The following YTHDF1 variants were observed in gnomAD, a reference collection of about 807,000 sequenced individuals.
YTHDF1 encodes YTH N6-methyladenosine RNA binding protein F1.
YTHDF1 carries 16 observed loss-of-function variants against 49.1 expected under a neutral mutation model. The ratio of observed to expected loss-of-function variants is 0.33; its 90% CI spans 0.22 to 0.49. The LOEUF (loss-of-function observed/expected upper bound fraction) is 0.49, where lower values mean the gene tolerates loss of function less well. Among genes scored for constraint, YTHDF1 ranks in the 20% least tolerant of loss-of-function variants. The pLI, the probability that YTHDF1 is intolerant of heterozygous loss-of-function variation, is 0.99. For synonymous variants in YTHDF1, 313 were observed against 290.1 expected (o/e 1.08, Z -0.80); for missense variants, 621 against 744.3 (o/e 0.83, Z 1.93).
rs762159571 is a variant in YTHDF1 at position 63,202,803 on chromosome 20, C to A, written c.1137G>T (p.Pro379=). Residue 379 remains proline, a synonymous_variant, in exon 4 of 5, where the codon CCG becomes CCT. Transcript: ENST00000370339. ...TTTTCAGATTCCACTCAAACTCTTT[C>A]GGGTTGTAGCTGTGAGCAGCCTTCA... ...EKLKAAHSYN[P]KEFEWNLKSG... 1 of 1,614,068 alleles carries A rather than the reference C, an allele frequency of 6.2e-7. No individual in the cohort carries two copies. The highest frequency in any genetic ancestry group is 8.5e-7 in the Non-Finnish European group (1 of 1,180,048).
Position 63,202,838 on chromosome 20 carries a change from G to C in YTHDF1, c.1102C>G (p.Leu368Val). ...SAPSVESHPV[L>V]EKLKAAHSYN... is the part of the protein sequence containing the mutation. The stretch of plus-strand genomic sequence containing the variant: ...CTGTGAGCAGCCTTCAGTTTTTCAA[G>C]GACGGGGTGGGATTCGACGCTGGGG... Residue 368 changes from leucine to valine, a missense_variant, in exon 4 of 5, where the codon CTT becomes GTT. Physicochemically the swap from Leu to Val is conservative, Grantham distance 32. Around this residue, in one of 2 missense-constraint regions of YTHDF1, gnomAD observed 470 missense variants for 495.8 expected, o/e 0.95. Transcript: ENST00000370339. 6.2e-7 allele frequency: 1 copy of C among 1,613,938 alleles called. No individual in the cohort carries two copies. Among genetic ancestry groups the C allele is most frequent in the Non-Finnish European group, 8.5e-7 (1 of 1,180,054 alleles).
rs747707109 is a variant in YTHDF1, at chr20:63,215,593, T to C, written c.36A>G (p.Lys12=). 6.2e-7 allele frequency: 1 copy of C among 1,611,726 alleles called. No homozygotes were observed. Residue 12 remains lysine (K), a synonymous_variant, in exon 2 of 5, where the codon AAA becomes AAG. Coordinates refer to ENST00000370339, the MANE Select transcript of YTHDF1 (RefSeq NM_017798.4). ...TCCGCTCACCTTTATTATCTTGTCC[T>C]TTTGTTCTCTGCACCGCCGCAGGCC... ...SATSVDTQRT[K]GQDNKVQNGS...
chr20:63,200,287 G>A (rs1484918278), intron 4 of YTHDF1, among the ~76,000 whole-genome samples: 1 of 152,038 alleles, frequency 6.6e-6, no homozygotes, highest in African/African-American at 2.4e-5. Flanking sequence ...CCTGAACCTC[G>A]GAGGTTGAGG....
intron 4 of YTHDF1, 66 bp downstream of exon 4, chr20:63,202,221 C>A (rs939740144): frequency 1.9e-5 from 30 of 1,540,276 alleles, no homozygotes; most frequent in East Asian, 1.8e-4. Flanking sequence ...ACCACCGGGC[C>A]ACCTGGTCTA....
chr20:63,203,151 T>C lies in YTHDF1; in HGVS notation c.789A>G (p.Pro263=). The change falls in exon 4 of 5, where the codon CCA becomes CCG. Residue 263 remains proline, a synonymous_variant. Coordinates refer to ENST00000370339, the MANE Select transcript of YTHDF1 (RefSeq NM_017798.4). The surrounding 1 kb of genome is among the most constrained non-coding windows in gnomAD (Gnocchi z 4.4). ...CAATGTCCATGTTATGCTTTATGGG[T>C]GGAGGGGGCAGCCCACCCCCCATGA... The part of the protein sequence containing the change: ...GPVMGGGLPP[P]PIKHNMDIGT... 6.2e-7 allele frequency: 1 copy of C among 1,613,640 alleles called. No homozygotes were observed. Among genetic ancestry groups the C allele is most frequent in the Non-Finnish European group, 8.5e-7 (1 of 1,180,004 alleles).
At chr20:63,199,965 G>C (rs1259995620) in intron 4 of YTHDF1, among the ~76,000 whole-genome samples, 3 of 152,000 alleles carry the variant, frequency 2.0e-5, no homozygotes, top group Non-Finnish European at 4.4e-5. Context: ...GAGGCAGGAA[G>C]ACCGCTTGAG....
At chr20:63,199,518 T>TAAAAA (rs11386506) in intron 4 of YTHDF1, among the ~76,000 whole-genome samples, 2 of 138,438 alleles carry the variant, frequency 1.4e-5, no homozygotes, top group South Asian at 2.3e-4. Flanking sequence ...GATTCTGTCT[T>TAAAAA]AAAAAAAAAA....
Position 63,215,597 on chromosome 20 carries a change from G to A in YTHDF1, c.32C>T (p.Thr11Ile), listed in dbSNP as rs769394044. MSATSVDTQRTKGQDNKVQNG... is the reference protein window; with the variant it reads MSATSVDTQRIKGQDNKVQNG... ...CTCACCTTTATTATCTTGTCCTTTTGTTCTCTGCACCGCCGCAGGCCGGGA... is the reference window on the plus strand; with the variant it reads ...CTCACCTTTATTATCTTGTCCTTTTATTCTCTGCACCGCCGCAGGCCGGGA... Residue 11 changes from threonine (T) to isoleucine (I), a missense_variant, in exon 2 of 5, where the codon ACA becomes ATA. Physicochemically the swap from Thr to Ile is moderately conservative, Grantham distance 89. Transcript: ENST00000370339. 2 of 1,611,624 alleles carry A rather than the reference G, an allele frequency of 1.2e-6. No individual in the cohort carries two copies. Among genetic ancestry groups the A allele is most frequent in the Non-Finnish European group, 1.7e-6 (2 of 1,179,004 alleles).
rs1002312721 is a variant in YTHDF1 at position 63,195,499 on chromosome 20, C to T, written c.*1209G>A. 6.5e-6 allele frequency: 1 copy of T among 152,674 alleles called. No homozygotes were observed. Among genetic ancestry groups the T allele is most frequent in the African/African-American group, 2.4e-5 (1 of 41,466 alleles). The allele number at this position is 152,674 out of a possible 1,614,324, so 9.5% of individuals were successfully genotyped here. On this transcript the variant is annotated 3_prime_UTR_variant, in exon 5 of 5. Coordinates refer to ENST00000370339, the MANE Select transcript of YTHDF1 (RefSeq NM_017798.4). ...AAAAACCCAATGTCGTCCAGGACTC[C>T]ATTCAGGCAGTAACAGTTCAGAGGA...
chr20:63,210,727 G>A (rs1172637534), intron 3 of YTHDF1, among the ~76,000 whole-genome samples: 1 of 152,148 alleles, frequency 6.6e-6, no homozygotes, highest in Non-Finnish European at 1.5e-5. Flanking sequence ...GGTGGAGGCT[G>A]CAGTGAGCTG....
At chr20:63,215,545 G>T in intron 2 of YTHDF1, 32 bp downstream of exon 2, 1 of 1,613,416 alleles carries the variant, frequency 6.2e-7, no homozygotes, top group Non-Finnish European at 8.5e-7. Context: ...CTCCACTCCA[G>T]CCCGCGCCGG....
chr20:63,207,424 G>C (rs533166736), intron 3 of YTHDF1, among the ~76,000 whole-genome samples: 3 of 151,764 alleles, frequency 2.0e-5, no homozygotes, highest in Admixed American at 1.3e-4. Context: ...AGCCGAGATC[G>C]AGCCACTGCA....
At chr20:63,200,909 C>T (rs1016960403) in intron 4 of YTHDF1, among the ~76,000 whole-genome samples, 11 of 152,018 alleles carry the variant, frequency 7.2e-5, no homozygotes, top group African/African-American at 2.2e-4. Flanking sequence ...GTCTGTAATC[C>T]GAGCTATTGT....
chr20:63,211,089 T>A (rs1289136773), intron 3 of YTHDF1, among the ~76,000 whole-genome samples: 6 of 139,504 alleles, frequency 4.3e-5, no homozygotes, highest in Non-Finnish European at 1.6e-5. Flanking sequence ...TCTAAACCAT[T>A]CTAAGTATGA....
intron 3 of YTHDF1, among the ~76,000 whole-genome samples, chr20:63,211,486 A>T (rs1179509381): frequency 6.6e-6 from 1 of 152,172 alleles, no homozygotes; most frequent in African/African-American, 2.4e-5. Context: ...ACCCAGAGCT[A>T]TTGATATGCC....
At chr20:63,211,812 C>T (rs1255393407) in intron 3 of YTHDF1, among the ~76,000 whole-genome samples, 1 of 152,116 alleles carries the variant, frequency 6.6e-6, no homozygotes, top group Non-Finnish European at 1.5e-5. Context: ...CAATCAATCA[C>T]CAGGTGTAGT....
intron 4 of YTHDF1, among the ~76,000 whole-genome samples, chr20:63,199,480 C>T (rs2066507853): frequency 6.6e-6 from 1 of 151,528 alleles, no homozygotes; most frequent in Non-Finnish European, 1.5e-5. Flanking sequence ...GATCACACCA[C>T]TACACTCCAG....
intron 3 of YTHDF1, among the ~76,000 whole-genome samples, chr20:63,212,323 T>C (rs933129366): frequency 1.3e-5 from 2 of 152,140 alleles, no homozygotes; most frequent in Admixed American, 6.5e-5. Context: ...CCAAGTGCAG[T>C]AGGAGGGAGG....
Position 63,202,455 on chromosome 20 carries a change from C to T in YTHDF1, c.1485G>A (p.Glu495=). 6.2e-7 allele frequency: 1 copy of T among 1,614,282 alleles called. No homozygotes were observed. The highest frequency in any genetic ancestry group is 1.1e-5 in the South Asian group (1 of 91,090). ...TTGTGACCGGTTTGTTGTCGTTATT[C>T]TCCAGCCTGATGTGCCGGAGCTGGT... is the stretch of plus-strand genomic sequence containing the variant. ...PNNQLRHIRL[E]NNDNKPVTNS... The change falls in exon 4 of 5, where the codon GAG becomes GAA. Residue 495 remains glutamate (E), a synonymous_variant. Transcript: ENST00000370339.
Sources: gnomAD v4.1 joint callset for allele counts (sites outside exome capture counted in the v4.1 genomes callset) on GRCh38, gnomAD v4.1.1 for gene constraint, gnomAD v4.1.1 regional missense constraint, Gnocchi (gnomAD v3.1) non-coding constraint, MANE v1.5 for transcripts, NCBI Gene and HGNC (gene_info 2026-07-23, HGNC 2026-07-21) for gene names.